The following RGL1 variants were observed in gnomAD, a reference collection of about 807,000 sequenced individuals.
RGL1 encodes ral guanine nucleotide dissociation stimulator like 1, also known as ral guanine nucleotide dissociation stimulator-like 1.
In RGL1, 24 loss-of-function variants were observed where a neutral mutation model predicts 95.2. The observed-to-expected ratio is 0.25, with a 90% CI of 0.18 to 0.35. The LOEUF (loss-of-function observed/expected upper bound fraction) is 0.35. RGL1 is among the 10% of genes least tolerant of loss of function. The pLI is 1.00. For synonymous variants in RGL1, 329 were observed against 344.9 expected, an observed-to-expected ratio of 0.95 and a Z score of 0.51; for missense variants, 715 against 936.3, an observed-to-expected ratio of 0.76 and a Z score of 3.08.
chr1:183,734,239 G>A (rs1054165029), intron 1 of RGL1, among the ~76,000 whole-genome samples: 4 of 152,178 alleles, frequency 2.6e-5, no homozygotes, highest in East Asian at 1.9e-4. Flanking sequence ...CCTTTCGAGA[G>A]CTCAGATTCC....
intron 2 of RGL1, among the ~76,000 whole-genome samples, chr1:183,745,565 T>C (rs188856642): frequency 3.3e-5 from 5 of 152,194 alleles, no homozygotes; most frequent in Non-Finnish European, 5.9e-5. Context: ...TGAATGTTAT[T>C]GTTTCTTCTT....
intron 1 of RGL1, among the ~76,000 whole-genome samples, chr1:183,695,656 G>A (rs1031586402): frequency 1.3e-5 from 2 of 152,158 alleles, no homozygotes; most frequent in African/African-American, 4.8e-5. Flanking sequence ...TAAATATTCT[G>A]CAAATGAAAC....
chr1:183,660,815 C>T (rs1216313332), intron 1 of RGL1, among the ~76,000 whole-genome samples: 1 of 152,104 alleles, frequency 6.6e-6, no homozygotes, highest in Non-Finnish European at 1.5e-5. Flanking sequence ...GAAGTAAGCT[C>T]TCCTCAGCAA....
chr1:183,662,433 C>T (rs1439445919), intron 1 of RGL1, among the ~76,000 whole-genome samples: 1 of 151,794 alleles, frequency 6.6e-6, no homozygotes, highest in African/African-American at 2.4e-5. Flanking sequence ...AAACAGAGAG[C>T]CAAATCTTGA....
intron 1 of RGL1, among the ~76,000 whole-genome samples, chr1:183,714,928 G>A (rs1287745046): frequency 6.6e-6 from 1 of 152,142 alleles, no homozygotes; most frequent in African/African-American, 2.4e-5. Context: ...TTGAACTGGG[G>A]TGGAGTGAGG....
At chr1:183,883,744 T>C (rs763040065) in intron 5 of RGL1, 42 bp from the exon 6 acceptor site, 3 of 1,610,244 alleles carry the variant, frequency 1.9e-6, no homozygotes, top group South Asian at 1.1e-5. Flanking sequence ...CAAGATTATA[T>C]ACACTGGCGC....
chr1:183,733,905 G>C (rs1656778309), intron 1 of RGL1, among the ~76,000 whole-genome samples: 1 of 152,196 alleles, frequency 6.6e-6, no homozygotes, highest in Non-Finnish European at 1.5e-5. Context: ...ACTGTGAGAA[G>C]GGATAAGGAT....
At chr1:183,867,974 C>G (rs1005734986) in intron 4 of RGL1, among the ~76,000 whole-genome samples, 5 of 152,114 alleles carry the variant, frequency 3.3e-5, no homozygotes, top group African/African-American at 9.7e-5. Flanking sequence ...TCATAACTTT[C>G]CAGAAAACCA....
At chr1:183,654,436 A>T (rs1204921375) in intron 1 of RGL1, among the ~76,000 whole-genome samples, 1 of 152,240 alleles carries the variant, frequency 6.6e-6, no homozygotes, top group Non-Finnish European at 1.5e-5. Context: ...AATCCTAATA[A>T]ATGACAATCT....
chr1:183,661,385 A>G (rs1197431925), intron 1 of RGL1, among the ~76,000 whole-genome samples: 3 of 152,156 alleles, frequency 2.0e-5, no homozygotes, highest in South Asian at 4.1e-4. Flanking sequence ...TATCACCACC[A>G]ATCCCACAGA....
intron 1 of RGL1, among the ~76,000 whole-genome samples, chr1:183,660,066 A>G (rs1044312180): frequency 3.9e-5 from 6 of 152,198 alleles, no homozygotes; most frequent in African/African-American, 1.4e-4. Flanking sequence ...AGCACTAAAC[A>G]TGGAAAGGAA....
chr1:183,696,640 T>C (rs1312897677), intron 1 of RGL1, among the ~76,000 whole-genome samples: 1 of 152,188 alleles, frequency 6.6e-6, no homozygotes, highest in East Asian at 1.9e-4. Context: ...TAATGTTCTC[T>C]CCAATTTGAT....
chr1:183,874,148 A>G (rs569066193), intron 4 of RGL1, among the ~76,000 whole-genome samples: 168 of 152,268 alleles, frequency 1.1e-3, no homozygotes, highest in African/African-American at 3.8e-3. Flanking sequence ...AGTACTGTAC[A>G]TACTTGTTAA....
At chr1:183,861,111 A>G (rs1353816700) in intron 3 of RGL1, among the ~76,000 whole-genome samples, 1 of 152,218 alleles carries the variant, frequency 6.6e-6, no homozygotes, top group Non-Finnish European at 1.5e-5. Context: ...TTCACTCTAT[A>G]GAATTATAGG....
chr1:183,812,882 G>A (rs1191135244), intron 2 of RGL1, among the ~76,000 whole-genome samples: 1 of 152,208 alleles, frequency 6.6e-6, no homozygotes, highest in Non-Finnish European at 1.5e-5. Flanking sequence ...CGGTGGGAAA[G>A]GGAGAGGAAA....
At chr1:183,858,887 A>G (rs1187631019) in intron 3 of RGL1, among the ~76,000 whole-genome samples, 1 of 152,218 alleles carries the variant, frequency 6.6e-6, no homozygotes, top group Non-Finnish European at 1.5e-5. Flanking sequence ...CCATGATACT[A>G]AACTCATATT....
intron 1 of RGL1, among the ~76,000 whole-genome samples, chr1:183,729,007 A>G (rs1325449126): frequency 6.6e-6 from 1 of 152,226 alleles, no homozygotes; most frequent in African/African-American, 2.4e-5. Context: ...CTAAAACTAT[A>G]CAACTTCTGG....
chr1:183,779,170 T>C (rs76478829), intron 2 of RGL1, among the ~76,000 whole-genome samples: 1 of 89,212 alleles, frequency 1.1e-5, no homozygotes, highest in East Asian at 2.8e-4. Flanking sequence ...CTTCCTTCCT[T>C]CCTTCCTTCC....
At chr1:183,706,223 G>A (rs1386687316) in intron 1 of RGL1, among the ~76,000 whole-genome samples, 1 of 152,188 alleles carries the variant, frequency 6.6e-6, no homozygotes, top group Non-Finnish European at 1.5e-5. Flanking sequence ...GAAAGAGTGA[G>A]TGAAGGAAAA....
Sources: gnomAD v4.1 joint callset for allele counts (sites outside exome capture counted in the v4.1 genomes callset) on GRCh38, gnomAD v4.1.1 for gene constraint, MANE v1.5 for transcripts, NCBI Gene and HGNC (gene_info 2026-07-23, HGNC 2026-07-21) for gene names.